The following WNT3 variants were observed in gnomAD, a reference collection of about 807,000 sequenced individuals.
WNT3 encodes proto-oncogene Wnt-3.
In WNT3, 7 loss-of-function variants were observed where a neutral mutation model predicts 34.2. That is an observed-to-expected ratio of 0.20 (90% CI 0.12 to 0.38). WNT3 has a LOEUF of 0.38. Ranked by LOEUF, WNT3 falls within the 10% of genes least tolerant of loss-of-function variation. The pLI is 1.00. For missense variants in WNT3, 267 were observed against 499.8 expected (o/e 0.53, Z 4.44); for synonymous variants, 212 against 211.5 (o/e 1.00, Z -0.02).
At chr17:46,799,046 CA>C (rs35108068) in intron 1 of WNT3, among the ~76,000 whole-genome samples, 20,354 of 93,178 alleles carry the variant, frequency 0.22, 1,493 homozygotes, top group South Asian at 0.39. Flanking sequence ...GACTCCGTCT[CA>C]AAAAAAAAAA....
chr17:46,780,866 A>T (rs2059454675), intron 1 of WNT3, among the ~76,000 whole-genome samples: 1 of 152,196 alleles, frequency 6.6e-6, no homozygotes, highest in South Asian at 2.1e-4. Flanking sequence ...AAAGGTAGAG[A>T]CAACCCAAGA....
intron 1 of WNT3, among the ~76,000 whole-genome samples, chr17:46,789,283 A>G (rs2083948871): frequency 6.6e-6 from 1 of 152,096 alleles, no homozygotes; most frequent in Admixed American, 6.6e-5. Flanking sequence ...CCACTCTCTT[A>G]TTCTATGCTC....
At chr17:46,765,669 G>A (rs546937482) in intron 4 of WNT3, among the ~76,000 whole-genome samples, 5 of 152,352 alleles carry the variant, frequency 3.3e-5, no homozygotes, top group South Asian at 2.1e-4. Context: ...TCTCGGCCGA[G>A]CCTGGGCCCA....
At chr17:46,798,195 C>T (rs1284832387) in intron 1 of WNT3, among the ~76,000 whole-genome samples, 1 of 152,226 alleles carries the variant, frequency 6.6e-6, no homozygotes, top group African/African-American at 2.4e-5. Context: ...TCCCGAAGTG[C>T]TGGGATCACA....
At chr17:46,774,516 T>C (rs1051124048) in intron 1 of WNT3, among the ~76,000 whole-genome samples, 1 of 152,236 alleles carries the variant, frequency 6.6e-6, no homozygotes, top group Non-Finnish European at 1.5e-5. Context: ...TCCAGTTTCC[T>C]AGAAGTTTCT....
chr17:46,764,434 A>C lies in WNT3; in HGVS notation c.*196T>G, dbSNP rs1288822976. ...CACACCATCCAGAGTAGGGTGAGAAATGTAAGATGAGAGAGAGGGAGAGCC... is the reference window on the plus strand; with the variant it reads ...CACACCATCCAGAGTAGGGTGAGAACTGTAAGATGAGAGAGAGGGAGAGCC... On this transcript the variant is annotated 3_prime_UTR_variant, in exon 5 of 5. Coordinates refer to ENST00000225512, the MANE Select transcript of WNT3 (RefSeq NM_030753.5). 1.3e-5 allele frequency: 2 copies of C among 152,558 alleles called. No individual in the cohort carries two copies. Among genetic ancestry groups the C allele is most frequent in the Admixed American group, 1.3e-4 (2 of 15,284 alleles). The allele number at this position is 152,558 out of a possible 1,614,324, so 9.5% of individuals were successfully genotyped here. A position where few individuals can be genotyped will look rare whatever the true frequency, so the allele number is the denominator to read the frequency against.
intron 1 of WNT3, among the ~76,000 whole-genome samples, chr17:46,804,981 C>T (rs905486042): frequency 1.5e-5 from 2 of 136,808 alleles, no homozygotes; most frequent in South Asian, 4.9e-4. Context: ...GCTGTGGAAA[C>T]TTTGTTCTTT....
At chr17:46,815,858 A>T (rs938068498) in intron 1 of WNT3, among the ~76,000 whole-genome samples, 3 of 151,940 alleles carry the variant, frequency 2.0e-5, no homozygotes, top group African/African-American at 7.3e-5. Flanking sequence ...TGCCCACCAA[A>T]CACCCAAGCT....
chr17:46,808,276 G>A (rs1036482651), intron 1 of WNT3, among the ~76,000 whole-genome samples: 1 of 152,190 alleles, frequency 6.6e-6, no homozygotes, highest in African/African-American at 2.4e-5. Flanking sequence ...ACAGCCTGAT[G>A]GCTTGTGGAA....
intron 1 of WNT3, among the ~76,000 whole-genome samples, chr17:46,786,103 G>A (rs1201412872): frequency 1.7e-5 from 2 of 115,290 alleles, no homozygotes; most frequent in African/African-American, 3.5e-5. Context: ...AAGTTGATAA[G>A]CCTGGAAAAA....
chr17:46,814,334 T>G (rs1217289010), intron 1 of WNT3, among the ~76,000 whole-genome samples: 1 of 152,254 alleles, frequency 6.6e-6, no homozygotes, highest in Non-Finnish European at 1.5e-5. Flanking sequence ...TTATAACGTT[T>G]GACCTGTTTT....
intron 2 of WNT3, among the ~76,000 whole-genome samples, chr17:46,771,241 C>T (rs978380898): frequency 2.6e-5 from 4 of 152,142 alleles, no homozygotes; most frequent in Non-Finnish European, 4.4e-5. Context: ...CCTGCGCTGC[C>T]AGGGCCGACC....
intron 1 of WNT3, among the ~76,000 whole-genome samples, chr17:46,816,119 A>ACACACACACACACACACACGCACG (rs71138553): frequency 6.6e-6 from 1 of 150,552 alleles, no homozygotes; most frequent in African/African-American, 2.4e-5. Context: ...ACGTACACAC[A>ACACACACACACACACACACGCACG]CACACACACA....
intron 1 of WNT3, among the ~76,000 whole-genome samples, chr17:46,806,356 C>T (rs914083700): frequency 3.3e-5 from 5 of 151,852 alleles, no homozygotes; most frequent in African/African-American, 4.8e-5. Context: ...ATTACAGGCA[C>T]GTGCCACCAC....
intron 1 of WNT3, among the ~76,000 whole-genome samples, chr17:46,811,744 C>A (rs564996497): frequency 6.6e-6 from 1 of 152,150 alleles, no homozygotes; most frequent in Admixed American, 6.6e-5. Context: ...TACCTGAGGT[C>A]GGGAGTTCGA....
rs1312271705 is a variant in WNT3 at position 46,770,008 on chromosome 17, G to A, written c.363C>T (p.Ala121=). Residue 121 remains alanine (A), a synonymous_variant, in exon 3 of 5, where the codon GCC becomes GCT. Coordinates refer to ENST00000225512, the MANE Select transcript of WNT3 (RefSeq NM_030753.5). ...AGCGGGTGACGGCGAAGGCCACGCC[G>A]GCCGAGGCGATGGCGTGAACGAAGG... is the stretch of plus-strand genomic sequence containing the variant. ...ESAFVHAIAS[A]GVAFAVTRSC... The A allele has an allele frequency of 3.8e-6, 6 of 1,590,538 alleles. No individual in the cohort carries two copies. Among genetic ancestry groups the A allele is most frequent in the East Asian group, 4.6e-5 (2 of 43,862 alleles).
rs1301151462 is a variant in WNT3 at position 46,764,460 on chromosome 17, T to TC, written c.*169dup. On this transcript the variant is annotated 3_prime_UTR_variant, in exon 5 of 5. Transcript: ENST00000225512. The stretch of plus-strand genomic sequence containing the variant: ...TGTAAGATGAGAGAGAGGGAGAGCC[T>TC]CCCCGTCCACAGGCGAGTTGGGTCT... The TC allele has an allele frequency of 1.3e-5, 2 of 152,278 alleles. No individual in the cohort carries two copies. Among genetic ancestry groups the TC allele is most frequent in the African/African-American group, 4.8e-5 (2 of 41,408 alleles). The allele number at this position is 152,278 out of a possible 1,614,324, so 9.4% of individuals were successfully genotyped here. A position where few individuals can be genotyped will look rare whatever the true frequency, so the allele number is the denominator to read the frequency against.
chr17:46,770,097 G>C (rs1477808491), intron 2 of WNT3, 49 bp from the exon 3 acceptor site: 1 of 1,493,182 alleles, frequency 6.7e-7, no homozygotes, highest in Admixed American at 2.1e-5. Flanking sequence ...GCCTGGGAGC[G>C]CCTGCCCTGC....
At chr17:46,816,964 C>T (rs2146477000) in intron 1 of WNT3, among the ~76,000 whole-genome samples, 1 of 152,340 alleles carries the variant, frequency 6.6e-6, no homozygotes, top group East Asian at 1.9e-4. Context: ...CCTGGCTGCC[C>T]TGGCCACCCC....
Sources: gnomAD v4.1 joint callset for allele counts (sites outside exome capture counted in the v4.1 genomes callset) on GRCh38, gnomAD v4.1.1 for gene constraint, MANE v1.5 for transcripts, NCBI Gene and HGNC (gene_info 2026-07-23, HGNC 2026-07-21) for gene names.